Variants in ELP4 observed in about 807,000 individuals in gnomAD.
The protein encoded by ELP4 is elongator complex protein 4.
Under a neutral mutation model 48.9 loss-of-function variants are expected in ELP4, and 51 were observed. That is an observed-to-expected ratio of 1.04 (90% CI 0.83 to 1.32). The LOEUF is 1.32. Ranked by LOEUF, ELP4 falls within the 40% of genes most tolerant of loss-of-function variation. The pLI is 0.00. For missense variants in ELP4, 519 were observed against 514.6 expected, an observed-to-expected ratio of 1.01 and a Z score of -0.08; for synonymous variants, 210 against 189.2, an observed-to-expected ratio of 1.11 and a Z score of -0.90.
At chr11:31,677,551 T>C (rs1210755903) in intron 9 of ELP4, among the ~76,000 whole-genome samples, 9 of 152,160 alleles carry the variant, frequency 5.9e-5, no homozygotes, top group Non-Finnish European at 1.2e-4. Flanking sequence ...ATGTAGTACA[T>C]TGAAATTTAG....
chr11:31,665,315 A>G (rs888256028), intron 9 of ELP4, among the ~76,000 whole-genome samples: 15 of 152,034 alleles, frequency 9.9e-5, no homozygotes, highest in Non-Finnish European at 2.9e-5. Context: ...CAAGACTTAA[A>G]CTATGCCTGT....
intron 9 of ELP4, among the ~76,000 whole-genome samples, chr11:31,757,146 A>C (rs564412526): frequency 1.4e-4 from 22 of 152,276 alleles, no homozygotes; most frequent in Non-Finnish European, 3.2e-4. Context: ...TACTTACTTC[A>C]TTTGTTTCCT....
At position 31,632,230 on chromosome 11, in the gene ELP4, A is replaced by T. The variant is rs1317264918; in HGVS notation, c.752A>T (p.Asn251Ile). ...ACTTTCTTTTAGAAAAAACAGAGAA[A>T]CATTTTAAGAATAGGAATTCAGAAT... is the stretch of plus-strand genomic sequence containing the variant. ...DGSNPQKKQRNILRIGIQNLG... is the reference protein window; with the variant it reads ...DGSNPQKKQRIILRIGIQNLG... Residue 251 changes from asparagine (N) to isoleucine (I), a missense_variant, in exon 7 of 10, where the codon AAC (asparagine) becomes ATC (isoleucine). Coordinates refer to ENST00000640961, the MANE Select transcript of ELP4 (RefSeq NM_019040.5). The T allele has an allele frequency of 3.1e-6, 5 of 1,596,688 alleles. No individual in the cohort carries two copies. The highest frequency in any genetic ancestry group is 4.3e-6 in the Non-Finnish European group (5 of 1,175,228).
chr11:31,779,188 A>G (rs918639240), intron 9 of ELP4, among the ~76,000 whole-genome samples: 1 of 152,240 alleles, frequency 6.6e-6, no homozygotes, highest in Non-Finnish European at 1.5e-5. Flanking sequence ...CTAAGGGTCA[A>G]AGTATACTAC....
chr11:31,560,056 T>G (rs1333573904), intron 3 of ELP4, among the ~76,000 whole-genome samples: 1 of 152,158 alleles, frequency 6.6e-6, no homozygotes, highest in Admixed American at 6.5e-5. Flanking sequence ...GCTTGTGTCC[T>G]TTTTCATAAG....
intron 9 of ELP4, among the ~76,000 whole-genome samples, chr11:31,699,618 A>G (rs536914987): frequency 6.6e-6 from 1 of 152,220 alleles, no homozygotes; most frequent in South Asian, 2.1e-4. Flanking sequence ...TGTGGGTTTG[A>G]TGAGGTTTAA....
chr11:31,656,320 T>G (rs1945432038), intron 9 of ELP4, among the ~76,000 whole-genome samples: 1 of 152,006 alleles, frequency 6.6e-6, no homozygotes, highest in Admixed American at 6.6e-5. Flanking sequence ...GCTTCTGTGT[T>G]CATTTCACAT....
chr11:31,752,926 G>T (rs1947758695), intron 9 of ELP4, among the ~76,000 whole-genome samples: 1 of 151,792 alleles, frequency 6.6e-6, no homozygotes, highest in Non-Finnish European at 1.5e-5. Context: ...CAACAAGGTT[G>T]CCAGATTCAG....
chr11:31,704,291 T>C (rs1374345491), intron 9 of ELP4, among the ~76,000 whole-genome samples: 1 of 152,112 alleles, frequency 6.6e-6, no homozygotes, highest in East Asian at 1.9e-4. Flanking sequence ...TCTTTATTTC[T>C]TAAAACTATG....
At chr11:31,526,474 C>A (rs577661631) in intron 2 of ELP4, among the ~76,000 whole-genome samples, 4 of 152,024 alleles carry the variant, frequency 2.6e-5, no homozygotes, top group Non-Finnish European at 2.9e-5. Flanking sequence ...GCCTTTTAAA[C>A]CTTCAAACAT....
Position 31,632,205 on chromosome 11 carries a change from A to C in ELP4, c.739-12A>C. On this transcript the variant is annotated splice_polypyrimidine_tract_variant and intron_variant, in intron 6 of 9. Transcript: ENST00000640961. Reference sequence around the variant, plus strand: ...AACTTTATATGTTTGCTTTTTTCCCACTTTCTTTTAGAAAAAACAGAGAAA... The same window carrying C: ...AACTTTATATGTTTGCTTTTTTCCCCCTTTCTTTTAGAAAAAACAGAGAAA... The C allele has an allele frequency of 6.3e-7, 1 of 1,592,182 alleles. No individual in the cohort carries two copies. Among genetic ancestry groups the C allele is most frequent in the Non-Finnish European group, 8.5e-7 (1 of 1,172,390 alleles).
At position 31,509,970 on chromosome 11, in the gene ELP4, G is replaced by T. The variant is rs766302485; in HGVS notation, c.186G>T (p.Leu62=). 6.2e-7 allele frequency: 1 copy of T among 1,612,628 alleles called. No individual in the cohort carries two copies. The highest frequency in any genetic ancestry group is 1.1e-5 in the South Asian group (1 of 91,028). The change falls in exon 1 of 10, where the codon CTG becomes CTT. Residue 62 remains leucine (L), a synonymous_variant. Transcript: ENST00000640961. ...CGTCGGTGCGGAATGGACAGCTGCT[G>T]GTATCAACCGGGCTCCCAGCCCTAG... ...TRPSVRNGQL[L]VSTGLPALDQ...
chr11:31,650,179 A>C lies in ELP4; in HGVS notation c.1101A>C (p.Lys367Asn). ...NNLICDESDV[K>N]DLAFKLKRKL... ...TGATCTGTGATGAATCAGATGTCAA[A>C]GACTTAGCTTTTAAATTAAAAAGGA... The change falls in exon 9 of 10, where the codon AAA becomes AAC. Residue 367 changes from lysine (K) to asparagine (N), a missense_variant. Transcript: ENST00000640961. 1 of 1,519,530 alleles carries C rather than the reference A, an allele frequency of 6.6e-7. No individual in the cohort carries two copies. The allele number at this position is 1,519,530 out of a possible 1,614,324, so 94.1% of individuals were successfully genotyped here.
At chr11:31,521,419 T>A (rs1956212274) in intron 2 of ELP4, among the ~76,000 whole-genome samples, 2 of 152,104 alleles carry the variant, frequency 1.3e-5, no homozygotes, top group African/African-American at 4.8e-5. Context: ...GTTAATCTGA[T>A]AACCAGGACT....
intron 5 of ELP4, among the ~76,000 whole-genome samples, chr11:31,623,711 C>G (rs1057383618): frequency 2.0e-5 from 3 of 150,046 alleles, no homozygotes; most frequent in Non-Finnish European, 4.5e-5. Context: ...CCTTTTTATT[C>G]TCATATCAAA....
intron 9 of ELP4, among the ~76,000 whole-genome samples, chr11:31,659,180 A>C (rs2134087345): frequency 6.6e-6 from 1 of 152,246 alleles, no homozygotes; most frequent in South Asian, 2.1e-4. Flanking sequence ...AAAACTGGTA[A>C]AGCGGTTCTC....
intron 9 of ELP4, among the ~76,000 whole-genome samples, chr11:31,682,392 C>G (rs80269934): frequency 1.6e-3 from 242 of 152,314 alleles, no homozygotes; most frequent in Non-Finnish European, 2.1e-3. Flanking sequence ...GGTCACACTT[C>G]CAGGATGCTT....
At chr11:31,665,653 T>A (rs1304698960) in intron 9 of ELP4, among the ~76,000 whole-genome samples, 1 of 140,010 alleles carries the variant, frequency 7.1e-6, no homozygotes, top group South Asian at 2.2e-4. Context: ...TCGTCTCTCT[T>A]CCTTTTTTTT....
intron 9 of ELP4, among the ~76,000 whole-genome samples, chr11:31,772,915 C>G (rs1948177576): frequency 6.6e-6 from 1 of 152,212 alleles, no homozygotes; most frequent in African/African-American, 2.4e-5. Context: ...CAATCAAAGA[C>G]TTTAGCCCAG....
Sources: gnomAD v4.1 joint callset for allele counts (sites outside exome capture counted in the v4.1 genomes callset) on GRCh38, gnomAD v4.1.1 for gene constraint, MANE v1.5 for transcripts, NCBI Gene and HGNC (gene_info 2026-07-23, HGNC 2026-07-21) for gene names.